Variants in SH3PXD2A observed in about 807,000 individuals in gnomAD.
The protein encoded by SH3PXD2A is SH3 and PX domain-containing protein 2A.
A neutral mutation model predicts 115.2 loss-of-function variants in SH3PXD2A; 32 were observed. The ratio of observed to expected loss-of-function variants is 0.28; its 90% CI spans 0.21 to 0.37. The LOEUF is 0.37. Ranked by LOEUF, SH3PXD2A falls within the 10% of genes least tolerant of loss-of-function variation. SH3PXD2A has a pLI of 1.00. For synonymous variants in SH3PXD2A, 610 were observed against 629.1 expected (o/e 0.97, Z 0.45); for missense variants, 1,328 against 1,498.7 (o/e 0.89, Z 1.88).
intron 1 of SH3PXD2A, among the ~76,000 whole-genome samples, chr10:103,824,464 C>T (rs908638778): frequency 5.9e-5 from 9 of 152,180 alleles, no homozygotes; most frequent in South Asian, 2.1e-4. Flanking sequence ...CAGCATCCAC[C>T]GAGCCTCTGA....
At chr10:103,719,061 C>G (rs1040947293) in intron 5 of SH3PXD2A, among the ~76,000 whole-genome samples, 9 of 152,186 alleles carry the variant, frequency 5.9e-5, no homozygotes, top group African/African-American at 1.7e-4. Flanking sequence ...TCTGCTGGTG[C>G]CTTGGTTTAG....
intron 5 of SH3PXD2A, among the ~76,000 whole-genome samples, chr10:103,709,157 T>A (rs1412987385): frequency 6.6e-6 from 1 of 151,962 alleles, no homozygotes; most frequent in Non-Finnish European, 1.5e-5. Context: ...ACTGGGATCT[T>A]CTCAAGGGCT....
At chr10:103,686,478 C>G (rs1243956239) in intron 6 of SH3PXD2A, among the ~76,000 whole-genome samples, 1 of 152,176 alleles carries the variant, frequency 6.6e-6, no homozygotes, top group South Asian at 2.1e-4. Context: ...GGAGTCTGCT[C>G]CAGCCCCACT....
At chr10:103,617,084 G>A (rs2036529851) in intron 11 of SH3PXD2A, 113 bp downstream of exon 11, 3 of 737,978 alleles carry the variant, frequency 4.1e-6, no homozygotes, top group African/African-American at 1.7e-5. Flanking sequence ...CCTGTGCCGT[G>A]GGCACAAAGC....
intron 6 of SH3PXD2A, among the ~76,000 whole-genome samples, chr10:103,692,261 A>G (rs1386969263): frequency 6.6e-6 from 1 of 152,100 alleles, no homozygotes; most frequent in Non-Finnish European, 1.5e-5. Context: ...CCAGCCTCCC[A>G]CTTCCAGAGA....
At chr10:103,834,593 G>A (rs1589476808) in intron 1 of SH3PXD2A, among the ~76,000 whole-genome samples, 1 of 152,360 alleles carries the variant, frequency 6.6e-6, no homozygotes, top group South Asian at 2.1e-4. Context: ...CAATAAAGCT[G>A]TTCCAAAAAG....
At chr10:103,769,363 A>T (rs945098485) in intron 2 of SH3PXD2A, among the ~76,000 whole-genome samples, 2 of 152,044 alleles carry the variant, frequency 1.3e-5, no homozygotes, top group South Asian at 4.2e-4. Context: ...AGACTGCAGC[A>T]TGATTAACTT....
chr10:103,772,449 T>C (rs1043408658), intron 2 of SH3PXD2A, among the ~76,000 whole-genome samples: 2 of 152,176 alleles, frequency 1.3e-5, no homozygotes, highest in African/African-American at 4.8e-5. Context: ...CAGATTCTCC[T>C]GTCACTCCAG....
intron 6 of SH3PXD2A, among the ~76,000 whole-genome samples, chr10:103,683,288 G>A (rs2037635104): frequency 6.6e-6 from 1 of 152,146 alleles, no homozygotes; most frequent in Non-Finnish European, 1.5e-5. Flanking sequence ...TGAGGCGGGT[G>A]GACTGCCTGA....
chr10:103,806,886 G>T (rs921289148), intron 1 of SH3PXD2A, among the ~76,000 whole-genome samples: 34 of 152,250 alleles, frequency 2.2e-4, no homozygotes, highest in African/African-American at 8.2e-4. Context: ...CTTGATGGAG[G>T]AGTGGAATCA....
At chr10:103,632,164 C>T (rs903263182) in intron 8 of SH3PXD2A, among the ~76,000 whole-genome samples, 1 of 151,726 alleles carries the variant, frequency 6.6e-6, no homozygotes, top group African/African-American at 2.4e-5. Flanking sequence ...GAGACCCCAC[C>T]TAAAAAAAAA....
chr10:103,635,183 A>C lies in SH3PXD2A; in HGVS notation c.605-7981T>G, dbSNP rs561592631. Among the ~76,000 whole-genome samples the C allele has an allele frequency of 3.3e-5, 5 of 152,322 alleles. No individual in the cohort carries two copies. In the South Asian group the frequency reaches 1.0e-3, roughly 32 times the overall value. ...GAAGGATGGAAGGAAGTGGACTGAG[A>C]AAGTGGCCCTATCTGTGCCCAGGTT... On this transcript the variant is annotated intron_variant, in intron 8 of 14. Coordinates refer to ENST00000369774, the MANE Select transcript of SH3PXD2A (RefSeq NM_001394015.1).
chr10:103,845,310 G>A (rs1319781820), intron 1 of SH3PXD2A, among the ~76,000 whole-genome samples: 3 of 139,090 alleles, frequency 2.2e-5, no homozygotes, highest in Non-Finnish European at 4.6e-5. Flanking sequence ...CAGCCTGGAC[G>A]ACAGAGCGAG....
In SH3PXD2A at chr10:103,665,810, G is replaced by T. The variant is rs1259467370; in HGVS notation, c.472+2798C>A. On this transcript the variant is annotated intron_variant, in intron 7 of 14. Coordinates refer to ENST00000369774, the MANE Select transcript of SH3PXD2A (RefSeq NM_001394015.1). The surrounding 1 kb of genome is among the most constrained non-coding windows in gnomAD (Gnocchi z 4.0). ...GGGGAGGGGGCAGTGGAGGGAGCCT[G>T]GTGTCTTTAGATGAGGAGTGCTTGG... is the stretch of plus-strand genomic sequence containing the variant. Among the ~76,000 whole-genome samples the T allele has an allele frequency of 6.6e-6, 1 of 152,180 alleles. No homozygotes were observed. The highest frequency in any genetic ancestry group is 2.4e-5 in the African/African-American group (1 of 41,432).
chr10:103,852,984 T>A lies in SH3PXD2A; in HGVS notation c.72+2211A>T, dbSNP rs564145272. Among the ~76,000 whole-genome samples the A allele has an allele frequency of 3.9e-5, 6 of 152,214 alleles. No homozygotes were observed. The East Asian group carries it at 1.2e-3, about 29-fold the overall frequency. On this transcript the variant is annotated intron_variant, in intron 1 of 14. Transcript: ENST00000369774. ...AAATGAAGGAGTTGAGCCAGATGAG[T>A]CTTCGGGTCTCTGCCCGTTCCACAA... is the stretch of plus-strand genomic sequence containing the variant.
Position 103,600,242 on chromosome 10 carries a change from C to T in SH3PXD2A, c.*1574G>A, listed in dbSNP as rs1021185332. 6.5e-6 allele frequency: 1 copy of T among 152,712 alleles called. No homozygotes were observed. Among genetic ancestry groups the T allele is most frequent in the African/African-American group, 2.4e-5 (1 of 41,472 alleles). 9.5% of individuals were successfully genotyped at this position (152,712 alleles called of 1,614,324 possible). A position where few individuals can be genotyped will look rare whatever the true frequency, so the allele number is the denominator to read the frequency against. ...TCCTTGGGGGAAGCCGGCTGGGCTT[C>T]TGGAGGGTCCCCTCTGAAATGTCAA... On this transcript the variant is annotated 3_prime_UTR_variant, in exon 15 of 15. Coordinates refer to ENST00000369774, the MANE Select transcript of SH3PXD2A (RefSeq NM_001394015.1).
At chr10:103,651,872 A>T (rs1416887903) in intron 8 of SH3PXD2A, among the ~76,000 whole-genome samples, 1 of 152,206 alleles carries the variant, frequency 6.6e-6, no homozygotes, top group Non-Finnish European at 1.5e-5. Context: ...GCTTCTGGCC[A>T]CTGTCCTTAG....
At chr10:103,720,711 G>A (rs577697072) in intron 5 of SH3PXD2A, among the ~76,000 whole-genome samples, 68 of 152,358 alleles carry the variant, frequency 4.5e-4, no homozygotes, top group African/African-American at 1.4e-3. Flanking sequence ...GGGAAGGGAG[G>A]TGCACAGTCG....
At chr10:103,729,061 A>AT (rs550760854) in intron 4 of SH3PXD2A, among the ~76,000 whole-genome samples, 238 of 152,018 alleles carry the variant, frequency 1.6e-3, no homozygotes, top group African/African-American at 5.5e-3. Flanking sequence ...CAGCAGGCTA[A>AT]TTTTTTGTAT....
Sources: gnomAD v4.1 joint callset for allele counts (sites outside exome capture counted in the v4.1 genomes callset) on GRCh38, gnomAD v4.1.1 for gene constraint, Gnocchi (gnomAD v3.1) non-coding constraint, MANE v1.5 for transcripts, NCBI Gene and HGNC (gene_info 2026-07-23, HGNC 2026-07-21) for gene names.